NOCT: variants seen among roughly 807,000 people sequenced by gnomAD.
The protein encoded by NOCT is nocturnin, also known as CCR4 carbon catabolite repression 4-like.
Under a neutral mutation model 35.0 loss-of-function variants are expected in NOCT, and 18 were observed. That is an observed-to-expected ratio of 0.51 (90% CI 0.36 to 0.76). The LOEUF is 0.76. Among genes scored for constraint, NOCT ranks in the 30% least tolerant of loss-of-function variants. The probability of loss-of-function intolerance (pLI) is 0.01; values close to 1 mark genes in which losing one functional copy is unlikely to be tolerated. For synonymous variants in NOCT, 235 were observed against 226.3 expected, an observed-to-expected ratio of 1.04 and a Z score of -0.34; for missense variants, 479 against 541.0, an observed-to-expected ratio of 0.89 and a Z score of 1.14.
At chr4:139,017,078 A>T (rs1036350778) in intron 1 of NOCT, among the ~76,000 whole-genome samples, 1 of 148,372 alleles carries the variant, frequency 6.7e-6, no homozygotes, top group Non-Finnish European at 1.5e-5. Context: ...AGCTGTTTTC[A>T]TACATCATAA....
Position 139,015,817 on chromosome 4 carries a change from C to T in NOCT, c.-165C>T, listed in dbSNP as rs563806363. ...ACGCAGCGGTGTTGCACCTCCCTCT[C>T]CGGCTCTGCTGCCCGGGATTTCCCC... On this transcript the variant is annotated 5_prime_UTR_variant, in exon 1 of 3. Transcript: ENST00000280614. 4 of 483,176 alleles carry T rather than the reference C, an allele frequency of 8.3e-6. No homozygotes were observed. The highest frequency in any genetic ancestry group is 4.1e-5 in the African/African-American group (2 of 49,174). 29.9% of individuals were successfully genotyped at this position (483,176 alleles called of 1,614,324 possible).
intron 1 of NOCT, among the ~76,000 whole-genome samples, chr4:139,031,384 C>T (rs1726621280): frequency 2.0e-5 from 3 of 152,104 alleles, no homozygotes; most frequent in Non-Finnish European, 2.9e-5. Flanking sequence ...CTCCTGACCT[C>T]GTGATCCACC....
chr4:139,038,372 T>G (rs1466303629), intron 1 of NOCT, among the ~76,000 whole-genome samples: 1 of 152,084 alleles, frequency 6.6e-6, no homozygotes, highest in Non-Finnish European at 1.5e-5. Flanking sequence ...TGAGGGTGAA[T>G]TTGTTGAAAA....
At chr4:139,022,802 G>A (rs945350265) in intron 1 of NOCT, among the ~76,000 whole-genome samples, 1 of 152,166 alleles carries the variant, frequency 6.6e-6, no homozygotes, top group Non-Finnish European at 1.5e-5. Flanking sequence ...GTGCTTAGAA[G>A]TTACGATGCT....
At chr4:139,042,930 GAAAA>G in intron 1 of NOCT, 140 bp from the exon 2 acceptor site, 2 of 546,230 alleles carry the variant, frequency 3.7e-6, no homozygotes, top group Non-Finnish European at 2.9e-6. Flanking sequence ...AAAAAAAAAA[GAAAA>G]AAGAAATGGC....
In NOCT at chr4:139,016,025, G is replaced by C; in HGVS notation, c.44G>C (p.Arg15Thr). Residue 15 changes from arginine (R) to threonine (T), a missense_variant, in exon 1 of 3, where the codon AGG becomes ACG. Physicochemically the swap from Arg to Thr is moderately conservative, Grantham distance 71 (BLOSUM62 -1). This residue lies in a region of NOCT where 265 missense variants were observed against 257.0 expected (regional missense o/e 1.03). Transcript: ENST00000280614. The part of the protein sequence containing the change: ...PRRLCSALLQ[R>T]DAPGLRRLPA... The stretch of plus-strand genomic sequence containing the variant: ...CGGCTCTGCTCGGCCCTGCTGCAGA[G>C]GGACGCGCCCGGCCTGCGCCGCCTG... 5 of 1,397,432 alleles carry C rather than the reference G, an allele frequency of 3.6e-6. No homozygotes were observed. Among genetic ancestry groups the C allele is most frequent in the Non-Finnish European group, 4.6e-6 (5 of 1,076,728 alleles). The allele number at this position is 1,397,432 out of a possible 1,614,324, so 86.6% of individuals were successfully genotyped here. A position where few individuals can be genotyped will look rare whatever the true frequency, so the allele number is the denominator to read the frequency against.
intron 2 of NOCT, 76 bp downstream of exon 2, chr4:139,043,419 ACT>A (rs1560735002): frequency 1.4e-6 from 2 of 1,428,740 alleles, no homozygotes; most frequent in African/African-American, 2.8e-5. Context: ...TCCACAGTGC[ACT>A]GTTTTATGTG....
At chr4:139,035,394 C>T (rs962789298) in intron 1 of NOCT, among the ~76,000 whole-genome samples, 1 of 152,088 alleles carries the variant, frequency 6.6e-6, no homozygotes, top group African/African-American at 2.4e-5. Context: ...CCTTGGCCTC[C>T]CAAAGTGTTT....
intron 1 of NOCT, among the ~76,000 whole-genome samples, chr4:139,033,744 ACTCAGTTATT>A (rs1371446143): frequency 6.6e-6 from 1 of 150,862 alleles, no homozygotes; most frequent in African/African-American, 2.4e-5. Flanking sequence ...AGACTTGTTA[ACTCAGTTATT>A]CTCTCATTTT....
intron 1 of NOCT, among the ~76,000 whole-genome samples, chr4:139,018,076 CAGTT>C (rs753165547): frequency 5.9e-5 from 9 of 152,010 alleles, no homozygotes; most frequent in Admixed American, 2.6e-4. Context: ...GTGAACTTGA[CAGTT>C]AGATTCCCCA....
chr4:139,045,240 TG>T lies in NOCT; in HGVS notation c.1065del (p.Gln356SerfsTer31). ...NSAYKLLSADGQSEPPYTTWK... is the reference protein window; with the variant it reads ...NSAYKLLSADXQSEPPYTTWK... ...GCGCCTACAAGCTGCTGAGTGCTGA[TG>T]GGCAGTCAGAACCCCCATACACTAC... On this transcript the variant is annotated frameshift_variant, in exon 3 of 3. Transcript: ENST00000280614. LOFTEE classifies it high-confidence loss of function. The T allele has an allele frequency of 6.2e-7, 1 of 1,614,188 alleles. No individual in the cohort carries two copies. The highest frequency in any genetic ancestry group is 8.5e-7 in the Non-Finnish European group (1 of 1,180,020).
intron 1 of NOCT, among the ~76,000 whole-genome samples, chr4:139,041,145 T>C (rs543068058): frequency 6.6e-6 from 1 of 152,298 alleles, no homozygotes; most frequent in Non-Finnish European, 1.5e-5. Flanking sequence ...GTAGTCTAGC[T>C]TTCTTACTGG....
chr4:139,028,659 T>C (rs763656160), intron 1 of NOCT, among the ~76,000 whole-genome samples: 1 of 152,232 alleles, frequency 6.6e-6, no homozygotes, highest in Non-Finnish European at 1.5e-5. Context: ...CAGCTGGAGA[T>C]GCTGACGAGC....
chr4:139,044,814 T>C lies in NOCT; in HGVS notation c.636T>C (p.Tyr212=), dbSNP rs200267249. 1.2e-4 allele frequency: 193 copies of C among 1,614,258 alleles called. No homozygotes were observed. Among genetic ancestry groups the C allele is most frequent in the Admixed American group, 3.0e-4 (18 of 60,024 alleles). ...AGCCACTCCTCAGTAGACTAGGCTA[T>C]CAAGGCACGTTTTTCCCCAAACCCT... is the stretch of plus-strand genomic sequence containing the variant. ...TFQPLLSRLG[Y]QGTFFPKPWS... Residue 212 remains tyrosine, a synonymous_variant, in exon 3 of 3, where the codon TAT becomes TAC. Transcript: ENST00000280614.
chr4:139,045,378 T>C lies in NOCT; in HGVS notation c.1200T>C (p.Ile400=), dbSNP rs1384068599. 1 of 1,613,928 alleles carries C rather than the reference T, an allele frequency of 6.2e-7. No homozygotes were observed. The highest frequency in any genetic ancestry group is 8.5e-7 in the Non-Finnish European group (1 of 1,179,884). ...TCGATCTGCTCACTGAAGAACAGAT[T>C]GGACCCAACAGGTTACCTTCCTTCA... ...SALDLLTEEQ[I]GPNRLPSFNY... The change falls in exon 3 of 3, where the codon ATT becomes ATC. Residue 400 remains isoleucine (I), a synonymous_variant. Transcript: ENST00000280614.
At chr4:139,041,402 C>T (rs1375291165) in intron 1 of NOCT, among the ~76,000 whole-genome samples, 1 of 152,154 alleles carries the variant, frequency 6.6e-6, no homozygotes, top group Non-Finnish European at 1.5e-5. Context: ...TTGTATCTCT[C>T]AAGAGAGGGA....
At chr4:139,021,368 C>T (rs1221227196) in intron 1 of NOCT, among the ~76,000 whole-genome samples, 2 of 152,088 alleles carry the variant, frequency 1.3e-5, no homozygotes, top group East Asian at 3.9e-4. Flanking sequence ...CCTGTAATCC[C>T]AGCACTTTGG....
intron 1 of NOCT, 147 bp from the exon 2 acceptor site, chr4:139,042,927 A>AAG: frequency 4.3e-6 from 3 of 698,694 alleles, no homozygotes; most frequent in Non-Finnish European, 6.6e-6. Flanking sequence ...AAAAAAAAAA[A>AAG]AAGAAAAAAG....
chr4:139,045,340 G>GT lies in NOCT; in HGVS notation c.1163dup (p.Arg389LysfsTer9). On this transcript the variant is annotated frameshift_variant, in exon 3 of 3. Coordinates refer to ENST00000280614, the MANE Select transcript of NOCT (RefSeq NM_012118.4). LOFTEE classifies it high-confidence loss of function. ...CTGGTATTCTAAACATGCTCTAAAT[G>GT]TAAGGTCAGCTCTCGATCTGCTCAC... is the stretch of plus-strand genomic sequence containing the variant. 6.2e-7 allele frequency: 1 copy of GT among 1,613,956 alleles called. No homozygotes were observed. Among genetic ancestry groups the GT allele is most frequent in the East Asian group, 2.2e-5 (1 of 44,878 alleles).
Sources: gnomAD v4.1 joint callset for allele counts (sites outside exome capture counted in the v4.1 genomes callset) on GRCh38, gnomAD v4.1.1 for gene constraint, gnomAD v4.1.1 regional missense constraint, MANE v1.5 for transcripts, NCBI Gene and HGNC (gene_info 2026-07-23, HGNC 2026-07-21) for gene names.